SDK1: variants seen among roughly 807,000 people sequenced by gnomAD.
SDK1 encodes protein sidekick-1.
A neutral mutation model predicts 245.5 loss-of-function variants in SDK1; 157 were observed. The observed-to-expected ratio is 0.64, with a 90% CI of 0.56 to 0.73. The LOEUF (loss-of-function observed/expected upper bound fraction) is 0.73, where lower values mean the gene tolerates loss of function less well. Ranked by LOEUF, SDK1 falls within the 30% of genes least tolerant of loss-of-function variation. The pLI is 0.00. For missense variants in SDK1, 3,583 were observed against 3,002.3 expected (o/e 1.19, Z -4.52); for synonymous variants, 1,647 against 1,278.5 (o/e 1.29, Z -6.15).
chr7:3,511,924 CGGA>C (rs1782593102), intron 1 of SDK1, among the ~76,000 whole-genome samples: 1 of 149,594 alleles, frequency 6.7e-6, no homozygotes, highest in Admixed American at 6.7e-5. Context: ...CATCCCCCAC[CGGA>C]GTGGTATGTT....
chr7:3,310,724 C>A (rs1307986438), intron 1 of SDK1, among the ~76,000 whole-genome samples: 2 of 152,104 alleles, frequency 1.3e-5, no homozygotes, highest in Non-Finnish European at 2.9e-5. Flanking sequence ...AGAGGAGGGT[C>A]TGGGCTTTTG....
At chr7:3,814,093 C>T (rs1271311856) in intron 4 of SDK1, among the ~76,000 whole-genome samples, 1 of 137,970 alleles carries the variant, frequency 7.2e-6, no homozygotes, top group Non-Finnish European at 1.6e-5. Flanking sequence ...GTTTCTTTTG[C>T]TGTGCAGAAG....
At chr7:3,595,482 CAG>C (rs1233056747) in intron 1 of SDK1, among the ~76,000 whole-genome samples, 17 of 152,004 alleles carry the variant, frequency 1.1e-4, no homozygotes, top group East Asian at 1.9e-4. Flanking sequence ...ATTTTTGAAA[CAG>C]AAACATAAAC....
intron 4 of SDK1, among the ~76,000 whole-genome samples, chr7:3,784,753 G>A (rs182619274): frequency 1.3e-5 from 2 of 152,312 alleles, no homozygotes; most frequent in Non-Finnish European, 2.9e-5. Flanking sequence ...CCCTGTTGGT[G>A]GAAATGTAAA....
chr7:3,318,823 C>T (rs969150258), intron 1 of SDK1, among the ~76,000 whole-genome samples: 2 of 152,164 alleles, frequency 1.3e-5, no homozygotes, highest in Admixed American at 1.3e-4. Context: ...CTTGGTGATG[C>T]TCCAGAGTGA....
At position 4,267,370 on chromosome 7, in the gene SDK1, G is replaced by T; in HGVS notation, c.*1986G>T. Reference sequence around the variant, plus strand: ...CCTTTTCTCCTCCTTTTTCTGAGTGGAGGGGGAAATATTCTAAACCAAAAA... The same window carrying T: ...CCTTTTCTCCTCCTTTTTCTGAGTGTAGGGGGAAATATTCTAAACCAAAAA... On this transcript the variant is annotated 3_prime_UTR_variant, in exon 45 of 45. Coordinates refer to ENST00000404826, the MANE Select transcript of SDK1 (RefSeq NM_152744.4). The T allele has an allele frequency of 1.0e-6, 1 of 983,918 alleles. No individual in the cohort carries two copies. Among genetic ancestry groups the T allele is most frequent in the Non-Finnish European group, 1.2e-6 (1 of 829,554 alleles). 60.9% of individuals were successfully genotyped at this position (983,918 alleles called of 1,614,324 possible).
At chr7:4,157,342 G>A (rs9297130) in intron 30 of SDK1, among the ~76,000 whole-genome samples, 13 of 132,372 alleles carry the variant, frequency 9.8e-5, no homozygotes, top group African/African-American at 2.2e-4. Flanking sequence ...GGAGAGAAGG[G>A]AAGAAGGAAG....
intron 5 of SDK1, among the ~76,000 whole-genome samples, chr7:3,854,237 G>A (rs1780485975): frequency 6.6e-6 from 1 of 152,178 alleles, no homozygotes; most frequent in Non-Finnish European, 1.5e-5. Context: ...TCTGACTTCA[G>A]TTCATATCTC....
At chr7:3,562,149 T>A (rs1279830199) in intron 1 of SDK1, among the ~76,000 whole-genome samples, 1 of 152,200 alleles carries the variant, frequency 6.6e-6, no homozygotes, top group African/African-American at 2.4e-5. Flanking sequence ...CTTGGATGTT[T>A]CGGAAACTGC....
At chr7:3,639,744 A>G (rs1225075986) in intron 3 of SDK1, among the ~76,000 whole-genome samples, 2 of 152,110 alleles carry the variant, frequency 1.3e-5, no homozygotes, top group South Asian at 2.1e-4. Flanking sequence ...CTAATTCAAA[A>G]TCTATGAAGA....
chr7:3,752,696 C>T lies in SDK1; in HGVS notation c.714-68754C>T, dbSNP rs1024290096. ...CTCTAACCCTCAATTCTTAAAACTC[C>T]GTGAATCCATTTCTTTCTTTGCATT... On this transcript the variant is annotated intron_variant, in intron 4 of 44. Transcript: ENST00000404826. 7.9e-5 allele frequency among the ~76,000 whole-genome samples: 12 copies of T among 152,186 alleles called. No individual in the cohort carries two copies. The South Asian group carries it at 1.9e-3, about 24-fold the overall frequency.
At chr7:3,431,253 C>T (rs372569928) in intron 1 of SDK1, among the ~76,000 whole-genome samples, 1 of 151,836 alleles carries the variant, frequency 6.6e-6, no homozygotes, top group East Asian at 1.9e-4. Flanking sequence ...GCTCTGCTTC[C>T]AAACTATACT....
Position 4,026,414 on chromosome 7 carries a change from A to G in SDK1, c.2602+9062A>G, listed in dbSNP as rs955456128. On this transcript the variant is annotated intron_variant, in intron 17 of 44. Transcript: ENST00000404826. This position sits in a 1 kb window ranked among gnomAD's most constrained non-coding sequence, Gnocchi z 4.1. ...AAACTGGTATTTTGTGAATAGAAAT[A>G]ACATCTTGTTCCTAACTGACTTCAG... is the stretch of plus-strand genomic sequence containing the variant. 2.6e-5 allele frequency among the ~76,000 whole-genome samples: 4 copies of G among 152,246 alleles called. No homozygotes were observed. The highest frequency in any genetic ancestry group is 7.2e-5 in the African/African-American group (3 of 41,462).
chr7:3,507,865 C>G (rs952019649), intron 1 of SDK1, among the ~76,000 whole-genome samples: 1 of 152,170 alleles, frequency 6.6e-6, no homozygotes, highest in African/African-American at 2.4e-5. Flanking sequence ...TGCTTTCATC[C>G]AGCAGTTCCA....
At chr7:3,384,540 C>A (rs1326295082) in intron 1 of SDK1, among the ~76,000 whole-genome samples, 1 of 152,180 alleles carries the variant, frequency 6.6e-6, no homozygotes, top group Non-Finnish European at 1.5e-5. Context: ...CCCAGTGTTT[C>A]CCAAGCTTGT....
At chr7:4,020,681 C>T (rs753552373) in intron 17 of SDK1, among the ~76,000 whole-genome samples, 17 of 152,308 alleles carry the variant, frequency 1.1e-4, no homozygotes, top group African/African-American at 3.8e-4. Flanking sequence ...TTCACACACA[C>T]GTGTATATTC....
chr7:4,190,425 G>A (rs367913430), intron 35 of SDK1, among the ~76,000 whole-genome samples: 33 of 152,326 alleles, frequency 2.2e-4, no homozygotes, highest in African/African-American at 2.6e-4. Flanking sequence ...CCGTTGCTCC[G>A]TTTCACAGAT....
intron 5 of SDK1, among the ~76,000 whole-genome samples, chr7:3,824,054 T>A (rs939633447): frequency 6.6e-6 from 1 of 152,064 alleles, no homozygotes; most frequent in African/African-American, 2.4e-5. Flanking sequence ...ATTGTTTTAA[T>A]TGTGCTTCTT....
intron 1 of SDK1, among the ~76,000 whole-genome samples, chr7:3,458,095 G>A (rs1279104810): frequency 6.6e-6 from 1 of 151,730 alleles, no homozygotes; most frequent in Non-Finnish European, 1.5e-5. Flanking sequence ...GTTTTTCCCT[G>A]TTGGAATACT....
Sources: gnomAD v4.1 joint callset for allele counts (sites outside exome capture counted in the v4.1 genomes callset) on GRCh38, gnomAD v4.1.1 for gene constraint, Gnocchi (gnomAD v3.1) non-coding constraint, MANE v1.5 for transcripts, NCBI Gene and HGNC (gene_info 2026-07-23, HGNC 2026-07-21) for gene names.